UBL7: variants seen among roughly 807,000 people sequenced by gnomAD.
The protein encoded by UBL7 is ubiquitin like 7.
UBL7 carries 21 observed loss-of-function variants against 41.7 expected under a neutral mutation model. The observed-to-expected ratio is 0.50, with a 90% CI of 0.36 to 0.73. The LOEUF is 0.73. Ranked by LOEUF, UBL7 falls within the 30% of genes least tolerant of loss-of-function variation. UBL7 has a pLI of 0.00. For synonymous variants in UBL7, 157 were observed against 186.9 expected, an observed-to-expected ratio of 0.84 and a Z score of 1.31; for missense variants, 403 against 478.4, an observed-to-expected ratio of 0.84 and a Z score of 1.47.
Position 74,456,627 on chromosome 15 carries a change from C to T in UBL7, c.229G>A (p.Asp77Asn), listed in dbSNP as rs1284099268. 6.2e-7 allele frequency: 1 copy of T among 1,614,126 alleles called. No individual in the cohort carries two copies. The highest frequency in any genetic ancestry group is 2.2e-5 in the East Asian group (1 of 44,882). The change falls in exon 3 of 11, where the codon GAC (aspartate) becomes AAC (asparagine). Residue 77 changes from aspartate (D) to asparagine (N), a missense_variant. Physicochemically the swap from Asp to Asn is conservative, Grantham distance 23. Coordinates refer to ENST00000395081, the MANE Select transcript of UBL7 (RefSeq NM_032907.5). Reference sequence around the variant, plus strand: ...GACCCAGGTTGAATGCCATAGAAGTCAAGTGTCTGGTCATCTTTTAGCTTC... The same window carrying T: ...GACCCAGGTTGAATGCCATAGAAGTTAAGTGTCTGGTCATCTTTTAGCTTC... ...GRKLKDDQTL[D>N]FYGIQPGSTV... is the part of the protein sequence containing the mutation.
rs773148323 is a variant in UBL7, at chr15:74,456,681, G to C, written c.185-10C>G. 17 of 1,609,176 alleles carry C rather than the reference G, an allele frequency of 1.1e-5. No homozygotes were observed. The highest frequency in any genetic ancestry group is 3.3e-4 in the Middle Eastern group (2 of 6,072). Reference sequence around the variant, plus strand: ...CCACAGTAGATCAGATCTAAAAAAAGAACTGTCCACTTATATTTTGCTCCT... The same window carrying C: ...CCACAGTAGATCAGATCTAAAAAAACAACTGTCCACTTATATTTTGCTCCT... On this transcript the variant is annotated splice_polypyrimidine_tract_variant and intron_variant, in intron 2 of 10. Transcript: ENST00000395081.
chr15:74,456,752 T>G, intron 2 of UBL7, 81 bp from the exon 3 acceptor site: 1 of 1,469,370 alleles, frequency 6.8e-7, no homozygotes, highest in Non-Finnish European at 9.4e-7. Context: ...TTATTTTGAT[T>G]AGATAGCTGG....
At chr15:74,447,096 A>G (rs1234148576) in intron 10 of UBL7, among the ~76,000 whole-genome samples, 4 of 152,220 alleles carry the variant, frequency 2.6e-5, no homozygotes, top group Non-Finnish European at 5.9e-5. Context: ...GAATAAAGTA[A>G]ACAGGCATCT....
chr15:74,450,765 G>A (rs779702918), intron 6 of UBL7, 37 bp downstream of exon 6: 2 of 1,609,304 alleles, frequency 1.2e-6, no homozygotes, highest in Non-Finnish European at 1.7e-6. Context: ...AGCACGAGGA[G>A]AGAGAAGGTA....
chr15:74,449,885 G>T, intron 7 of UBL7, 51 bp downstream of exon 7: 1 of 1,577,872 alleles, frequency 6.3e-7, no homozygotes, highest in Non-Finnish European at 8.6e-7. Flanking sequence ...GCAAATTCCT[G>T]GGCCACTGCC....
chr15:74,447,053 C>A (rs755295353), intron 10 of UBL7, among the ~76,000 whole-genome samples: 8 of 152,066 alleles, frequency 5.3e-5, no homozygotes, highest in Non-Finnish European at 1.0e-4. Flanking sequence ...ATTTTACAGG[C>A]CAGGTGGAAC....
Position 74,446,144 on chromosome 15 carries a change from G to A in UBL7, c.1089C>T (p.Thr363=), listed in dbSNP as rs371260227. 71 of 1,613,944 alleles carry A rather than the reference G, an allele frequency of 4.4e-5. No individual in the cohort carries two copies. Among genetic ancestry groups the A allele is most frequent in the South Asian group, 1.6e-4 (15 of 91,088 alleles). Residue 363 remains threonine, a synonymous_variant, in exon 11 of 11, where the codon ACC becomes ACT. Transcript: ENST00000395081. The surrounding 1 kb of genome is among the most constrained non-coding windows in gnomAD (Gnocchi z 4.1). The part of the protein sequence containing the change: ...DELSLRALQA[T]GGDIQAALEL... ...CCAGGGCTGCTTGGATGTCCCCACC[G>A]GTGGCCTGCAGGGCCCGCAGGCTCA... is the stretch of plus-strand genomic sequence containing the variant.
In UBL7 at chr15:74,452,299, C is replaced by T; in HGVS notation, c.384G>A (p.Glu128=). ...GGGGGCCGCAGCACACACTCACCGCCTCCCTGTAAGAGGAGCTGCTGTGCA... is the reference window on the plus strand; with the variant it reads ...GGGGGCCGCAGCACACACTCACCGCTTCCCTGTAAGAGGAGCTGCTGTGCA... ...TALHSSSSYR[E]AVFKMLSNKE... The change falls in exon 4 of 11, where the codon GAG becomes GAA. Residue 128 remains glutamate, a synonymous_variant. Coordinates refer to ENST00000395081, the MANE Select transcript of UBL7 (RefSeq NM_032907.5). 1 of 1,556,230 alleles carries T rather than the reference C, an allele frequency of 6.4e-7. No homozygotes were observed. The highest frequency in any genetic ancestry group is 1.2e-5 in the South Asian group (1 of 84,454).
upstream of UBL7, chr15:74,461,161 G>T (rs2061346658): frequency 1.0e-6 from 1 of 989,840 alleles, no homozygotes. Context: ...CACTCACTCT[G>T]GCCCTCTCGC....
rs769630939 is a variant in UBL7 at position 74,458,831 on chromosome 15, C to A, written c.37G>T (p.Ala13Ser). The A allele has an allele frequency of 6.2e-7, 1 of 1,612,840 alleles. No homozygotes were observed. The highest frequency in any genetic ancestry group is 8.5e-7 in the Non-Finnish European group (1 of 1,180,044). The part of the protein sequence containing the change: ...LSDWHLAVKL[A>S]DQPLTPKSIL... Reference sequence around the variant, plus strand: ...GACTTTGGAGTAAGTGGCTGGTCAGCCAGCTTCACCGCCAGGTGCCAGTCT... The same window carrying A: ...GACTTTGGAGTAAGTGGCTGGTCAGACAGCTTCACCGCCAGGTGCCAGTCT... The change falls in exon 2 of 11, where the codon GCT becomes TCT. Residue 13 changes from alanine (A) to serine (S), a missense_variant. By Grantham distance (99) the Ala-to-Ser change is moderately conservative. Transcript: ENST00000395081.
At chr15:74,453,617 A>G (rs1275971419) in intron 3 of UBL7, among the ~76,000 whole-genome samples, 1 of 152,264 alleles carries the variant, frequency 6.6e-6, no homozygotes, top group African/African-American at 2.4e-5. Flanking sequence ...ACAGCAAGTC[A>G]TTCTTTGTGG....
intron 3 of UBL7, among the ~76,000 whole-genome samples, chr15:74,453,945 G>A (rs1286093073): frequency 6.6e-6 from 1 of 152,182 alleles, no homozygotes; most frequent in South Asian, 2.1e-4. Context: ...GGAGGAAAAG[G>A]ACTCTTAATA....
In UBL7 at chr15:74,449,665, C is replaced by T; in HGVS notation, c.675G>A (p.Leu225=). The T allele has an allele frequency of 6.2e-7, 1 of 1,614,156 alleles. No homozygotes were observed. Among genetic ancestry groups the T allele is most frequent in the Non-Finnish European group, 8.5e-7 (1 of 1,180,028 alleles). ...CCTCATCATCTGAGAGCCCTTCAAACAGGAAGCCACCTGGAGGAGGACGAA... is the reference window on the plus strand; with the variant it reads ...CCTCATCATCTGAGAGCCCTTCAAATAGGAAGCCACCTGGAGGAGGACGAA... ...SSYRDMPGGF[L]FEGLSDDEDD... is the part of the protein sequence containing the mutation. Residue 225 remains leucine (L), a synonymous_variant, in exon 8 of 11, where the codon CTG becomes CTA. Coordinates refer to ENST00000395081, the MANE Select transcript of UBL7 (RefSeq NM_032907.5).
At chr15:74,449,439 G>C (rs2061219707) in intron 8 of UBL7, 86 bp from the exon 9 acceptor site, 3 of 1,559,770 alleles carry the variant, frequency 1.9e-6, no homozygotes, top group East Asian at 4.6e-5. Flanking sequence ...ATAGTTCTTG[G>C]GGAAACTCTT....
chr15:74,453,689 T>C (rs1478255538), intron 3 of UBL7, among the ~76,000 whole-genome samples: 1 of 152,212 alleles, frequency 6.6e-6, no homozygotes, highest in African/African-American at 2.4e-5. Flanking sequence ...CTGAAGGGAT[T>C]TGTAACCCGC....
intron 2 of UBL7, among the ~76,000 whole-genome samples, chr15:74,458,113 A>C (rs1446701810): frequency 6.6e-6 from 1 of 152,022 alleles, no homozygotes; most frequent in Non-Finnish European, 1.5e-5. Flanking sequence ...ACTCATCCCA[A>C]ACTTCTGTTC....
chr15:74,453,638 G>C (rs1031515994), intron 3 of UBL7, among the ~76,000 whole-genome samples: 6 of 152,206 alleles, frequency 3.9e-5, no homozygotes, highest in African/African-American at 1.4e-4. Flanking sequence ...CTGGAGCTTG[G>C]GGTACACATT....
At chr15:74,451,543 T>A in intron 4 of UBL7, 23 bp from the exon 5 acceptor site, 1 of 1,603,104 alleles carries the variant, frequency 6.2e-7, no homozygotes, top group Non-Finnish European at 8.5e-7. Context: ...TGGCGGGGGC[T>A]GAGCACTCCA....
intron 1 of UBL7, among the ~76,000 whole-genome samples, chr15:74,460,107 T>C (rs2061334871): frequency 6.6e-6 from 1 of 151,814 alleles, no homozygotes; most frequent in East Asian, 1.9e-4. Context: ...CAGGGCGTGG[T>C]GGCAGGCGCT....
Sources: gnomAD v4.1 joint callset for allele counts (sites outside exome capture counted in the v4.1 genomes callset) on GRCh38, gnomAD v4.1.1 for gene constraint, Gnocchi (gnomAD v3.1) non-coding constraint, MANE v1.5 for transcripts, NCBI Gene and HGNC (gene_info 2026-07-23, HGNC 2026-07-21) for gene names.